The following OSBPL10 variants were observed in gnomAD, a reference collection of about 807,000 sequenced individuals.
The protein encoded by OSBPL10 is oxysterol-binding protein-related protein 10.
OSBPL10 carries 49 observed loss-of-function variants against 81.7 expected under a neutral mutation model. The ratio of observed to expected loss-of-function variants is 0.60; its 90% confidence interval spans 0.48 to 0.76. OSBPL10 has a LOEUF of 0.76. Ranked by LOEUF, OSBPL10 falls within the 30% of genes least tolerant of loss-of-function variation. The pLI, the probability that OSBPL10 is intolerant of heterozygous loss-of-function variation, is 0.00. For synonymous variants in OSBPL10, 419 were observed against 383.6 expected (o/e 1.09, Z -1.08); for missense variants, 923 against 987.8 (o/e 0.93, Z 0.88).
At chr3:31,742,644 A>C (rs1697389205) in intron 5 of OSBPL10, among the ~76,000 whole-genome samples, 1 of 152,180 alleles carries the variant, frequency 6.6e-6, no homozygotes, top group East Asian at 1.9e-4. Context: ...CACTAGAATG[A>C]GCTTGTCTAG....
intron 1 of OSBPL10, among the ~76,000 whole-genome samples, chr3:31,935,514 ATT>A (rs11359502): frequency 0.034 from 4,927 of 144,484 alleles, 314 homozygotes; most frequent in East Asian, 0.26. Flanking sequence ...TATGAAATAG[ATT>A]TTTTTTTTTT....
At chr3:31,879,897 A>T in intron 1 of OSBPL10, 67 bp from the exon 2 acceptor site, 1 of 1,472,570 alleles carries the variant, frequency 6.8e-7, no homozygotes, top group Non-Finnish European at 9.1e-7. Context: ...AAGCAGAAAA[A>T]AGCAAAGTGA....
chr3:31,933,577 T>C (rs1157312937), intron 1 of OSBPL10, among the ~76,000 whole-genome samples: 1 of 151,982 alleles, frequency 6.6e-6, no homozygotes, highest in Non-Finnish European at 1.5e-5. Flanking sequence ...CCTGAGTTTT[T>C]ACATTTTTTG....
chr3:31,905,368 T>TTTTTTTTTG (rs869077578), intron 1 of OSBPL10, among the ~76,000 whole-genome samples: 1 of 148,192 alleles, frequency 6.7e-6, no homozygotes. Flanking sequence ...TTTTTTTTTT[T>TTTTTTTTTG]AGACGGACTC....
intron 3 of OSBPL10, among the ~76,000 whole-genome samples, chr3:31,848,737 C>G (rs1575581610): frequency 6.6e-6 from 1 of 152,146 alleles, no homozygotes; most frequent in African/African-American, 2.4e-5. Flanking sequence ...GAGTCCAAGG[C>G]CATCTAAAAG....
chr3:31,955,937 T>A (rs1697995864), intron 1 of OSBPL10, among the ~76,000 whole-genome samples: 1 of 152,116 alleles, frequency 6.6e-6, no homozygotes, highest in Non-Finnish European at 1.5e-5. Flanking sequence ...CTTGGAGCAG[T>A]TATAGCAGAT....
chr3:31,843,903 T>A (rs1323523698), intron 3 of OSBPL10, among the ~76,000 whole-genome samples: 1 of 152,086 alleles, frequency 6.6e-6, no homozygotes, highest in Admixed American at 6.5e-5. Context: ...TAGTTCTAAA[T>A]CAAACACAGG....
chr3:31,679,720 T>C (rs1700586702), intron 8 of OSBPL10, among the ~76,000 whole-genome samples: 1 of 152,182 alleles, frequency 6.6e-6, no homozygotes, highest in African/African-American at 2.4e-5. Context: ...GTCTCCTGAA[T>C]ACCAATTTTT....
chr3:31,936,668 A>T (rs1052768159), intron 1 of OSBPL10, among the ~76,000 whole-genome samples: 10 of 152,232 alleles, frequency 6.6e-5, no homozygotes, highest in Admixed American at 2.0e-4. Context: ...GGGAAGTAAG[A>T]AAGTGGCATT....
chr3:31,966,815 A>G (rs192798367), intron 1 of OSBPL10, among the ~76,000 whole-genome samples: 6 of 152,312 alleles, frequency 3.9e-5, no homozygotes, highest in Non-Finnish European at 8.8e-5. Context: ...ACTAAACACG[A>G]TATCTGGATG....
intron 2 of OSBPL10, among the ~76,000 whole-genome samples, chr3:31,997,932 G>A (rs1194340684): frequency 1.3e-5 from 2 of 151,976 alleles, no homozygotes; most frequent in Admixed American, 1.3e-4. Context: ...GGACTATACA[G>A]GTATGCACCA....
At chr3:31,720,553 T>C (rs1696601617) in intron 6 of OSBPL10, among the ~76,000 whole-genome samples, 1 of 152,192 alleles carries the variant, frequency 6.6e-6, no homozygotes, top group Non-Finnish European at 1.5e-5. Context: ...ATGCTCTATG[T>C]AATGTATTCT....
chr3:31,880,489 T>G (rs1367806475), intron 1 of OSBPL10, among the ~76,000 whole-genome samples: 1 of 152,210 alleles, frequency 6.6e-6, no homozygotes, highest in East Asian at 1.9e-4. Context: ...AATGAATCTT[T>G]GTAGCCAAAT....
In OSBPL10 at chr3:31,683,741, G is replaced by C; in HGVS notation, c.1619C>G (p.Ser540Cys). 6.2e-7 allele frequency: 1 copy of C among 1,614,214 alleles called. No homozygotes were observed. Among genetic ancestry groups the C allele is most frequent in the Non-Finnish European group, 8.5e-7 (1 of 1,180,050 alleles). ...AEQVSHHPPI[S>C]CFYCECEEKR... ...CTCCTCGCACTCACAGTAGAAGCAG[G>C]AGATGGGTGGGTGATGGGACACTTG... Residue 540 changes from serine to cysteine, a missense_variant, in exon 8 of 12, where the codon TCC (serine) becomes TGC (cysteine). By Grantham distance (112) the Ser-to-Cys change is moderately radical (BLOSUM62 -1). Coordinates refer to ENST00000396556, the MANE Select transcript of OSBPL10 (RefSeq NM_017784.5).
At chr3:31,883,814 G>A (rs1400870304) in intron 1 of OSBPL10, among the ~76,000 whole-genome samples, 2 of 152,318 alleles carry the variant, frequency 1.3e-5, no homozygotes, top group South Asian at 2.1e-4. Context: ...ATGAGCCACC[G>A]TGCCTGGCCA....
At chr3:31,884,405 G>A (rs1286607772) in intron 1 of OSBPL10, among the ~76,000 whole-genome samples, 1 of 152,210 alleles carries the variant, frequency 6.6e-6, no homozygotes, top group Non-Finnish European at 1.5e-5. Flanking sequence ...GACACTATCT[G>A]ATTAAAAATT....
At chr3:31,858,946 G>A (rs1414846538) in intron 3 of OSBPL10, among the ~76,000 whole-genome samples, 2 of 152,192 alleles carry the variant, frequency 1.3e-5, no homozygotes, top group Non-Finnish European at 2.9e-5. Context: ...CAGAAATGTT[G>A]TAGCAGAATT....
chr3:31,863,208 A>G (rs994412660), intron 3 of OSBPL10, among the ~76,000 whole-genome samples: 2 of 152,210 alleles, frequency 1.3e-5, no homozygotes, highest in Non-Finnish European at 1.5e-5. Flanking sequence ...GAAATATCCA[A>G]AAGAGGCAAA....
intron 6 of OSBPL10, among the ~76,000 whole-genome samples, chr3:31,728,064 A>C (rs1440600362): frequency 2.0e-5 from 3 of 152,324 alleles, no homozygotes; most frequent in South Asian, 4.1e-4. Context: ...TTCTTTTGGG[A>C]AAGGATGATT....
Sources: gnomAD v4.1 joint callset for allele counts (sites outside exome capture counted in the v4.1 genomes callset) on GRCh38, gnomAD v4.1.1 for gene constraint, MANE v1.5 for transcripts, NCBI Gene and HGNC (gene_info 2026-07-23, HGNC 2026-07-21) for gene names.